TMEM132C: variants seen among roughly 807,000 people sequenced by gnomAD.
TMEM132C encodes transmembrane protein 132C.
In TMEM132C, 29 loss-of-function variants were observed where a neutral mutation model predicts 61.4. That is an observed-to-expected ratio of 0.47 (90% CI 0.35 to 0.64). TMEM132C has a LOEUF of 0.64. Ranked by LOEUF, TMEM132C falls within the 30% of genes least tolerant of loss-of-function variation. TMEM132C has a pLI of 0.00. For missense variants in TMEM132C, 1,408 were observed against 1,476.9 expected (o/e 0.95, Z 0.76); for synonymous variants, 656 against 633.1 (o/e 1.04, Z -0.54).
intron 2 of TMEM132C, among the ~76,000 whole-genome samples, chr12:128,507,531 G>T (rs544098762): frequency 6.6e-6 from 1 of 151,692 alleles, no homozygotes; most frequent in East Asian, 1.9e-4. Flanking sequence ...TTGCCTTGTA[G>T]GAAAAGCTCC....
intron 4 of TMEM132C, among the ~76,000 whole-genome samples, chr12:128,631,951 G>A (rs879305540): frequency 6.6e-6 from 1 of 152,140 alleles, no homozygotes; most frequent in African/African-American, 2.4e-5. Flanking sequence ...CCTGCCTCCC[G>A]CATAACCTCA....
chr12:128,690,083 G>C (rs1954708002), intron 5 of TMEM132C, among the ~76,000 whole-genome samples: 1 of 152,172 alleles, frequency 6.6e-6, no homozygotes, highest in Non-Finnish European at 1.5e-5. Flanking sequence ...AACGGAATAT[G>C]GCAACTGACC....
chr12:128,440,238 G>C (rs1000442912), intron 2 of TMEM132C, among the ~76,000 whole-genome samples: 2 of 152,148 alleles, frequency 1.3e-5, no homozygotes, highest in African/African-American at 2.4e-5. Context: ...TCTAGCAATT[G>C]TGTTTTATTT....
chr12:128,546,813 C>A (rs1372990274), intron 3 of TMEM132C, among the ~76,000 whole-genome samples: 2 of 152,198 alleles, frequency 1.3e-5, no homozygotes, highest in Admixed American at 1.3e-4. Context: ...CATATCAAAA[C>A]CTTCACTTAA....
intron 2 of TMEM132C, among the ~76,000 whole-genome samples, chr12:128,512,432 A>G (rs893314765): frequency 2.6e-5 from 4 of 152,102 alleles, no homozygotes; most frequent in African/African-American, 7.2e-5. Context: ...CCATATCAGT[A>G]TATCCATTCT....
intron 3 of TMEM132C, among the ~76,000 whole-genome samples, chr12:128,545,002 A>T (rs1362071170): frequency 6.6e-6 from 1 of 152,208 alleles, no homozygotes; most frequent in African/African-American, 2.4e-5. Context: ...CAGGGGGTAC[A>T]TGTGCAGGTT....
intron 1 of TMEM132C, among the ~76,000 whole-genome samples, chr12:128,353,953 G>A (rs1873418222): frequency 1.3e-5 from 2 of 152,160 alleles, no homozygotes; most frequent in Admixed American, 1.3e-4. Context: ...GAGCTACCTG[G>A]AGTCAGACAT....
At chr12:128,358,227 T>G (rs551314580) in intron 1 of TMEM132C, among the ~76,000 whole-genome samples, 1 of 151,880 alleles carries the variant, frequency 6.6e-6, no homozygotes, top group East Asian at 2.0e-4. Flanking sequence ...TCAGAAGAGG[T>G]AGGTTTACAA....
At chr12:128,626,329 C>T (rs541332353) in intron 4 of TMEM132C, among the ~76,000 whole-genome samples, 2 of 151,518 alleles carry the variant, frequency 1.3e-5, no homozygotes, top group East Asian at 3.9e-4. Flanking sequence ...AGGGTTTCAC[C>T]ATGTTGACCA....
At chr12:128,595,375 G>T (rs1012077355) in intron 3 of TMEM132C, among the ~76,000 whole-genome samples, 3 of 152,216 alleles carry the variant, frequency 2.0e-5, no homozygotes, top group African/African-American at 7.2e-5. Flanking sequence ...GCTTCCCAAA[G>T]TGTTGGTGCC....
intron 4 of TMEM132C, among the ~76,000 whole-genome samples, chr12:128,626,939 A>G (rs1249235804): frequency 1.3e-5 from 2 of 152,106 alleles, no homozygotes; most frequent in African/African-American, 4.8e-5. Flanking sequence ...CTGCCACCCC[A>G]GCCTGCCGAG....
At chr12:128,592,154 G>C (rs1377621489) in intron 3 of TMEM132C, among the ~76,000 whole-genome samples, 1 of 151,964 alleles carries the variant, frequency 6.6e-6, no homozygotes, top group African/African-American at 2.4e-5. Context: ...GTAGCTAGCA[G>C]CTGCCCCTTT....
At chr12:128,398,457 A>T (rs1271180900) in intron 1 of TMEM132C, among the ~76,000 whole-genome samples, 1 of 152,250 alleles carries the variant, frequency 6.6e-6, no homozygotes, top group African/African-American at 2.4e-5. Context: ...TAAGGTTTTC[A>T]TCCTCATGTG....
At chr12:128,301,609 A>T (rs924972873) in intron 1 of TMEM132C, among the ~76,000 whole-genome samples, 7 of 152,264 alleles carry the variant, frequency 4.6e-5, no homozygotes, top group South Asian at 4.1e-4. Flanking sequence ...ATGGGATGGT[A>T]GTATTTATAA....
chr12:128,581,426 T>C (rs73426444), intron 3 of TMEM132C, among the ~76,000 whole-genome samples: 202 of 152,318 alleles, frequency 1.3e-3, no homozygotes, highest in African/African-American at 4.6e-3. Flanking sequence ...AAACACCCTT[T>C]ATTGCATCTG....
At chr12:128,341,086 A>G (rs1167893166) in intron 1 of TMEM132C, among the ~76,000 whole-genome samples, 1 of 151,886 alleles carries the variant, frequency 6.6e-6, no homozygotes, top group African/African-American at 2.4e-5. Context: ...GATTACAGGT[A>G]CCCACTACCA....
Position 128,415,372 on chromosome 12 carries a change from C to CG in TMEM132C, c.731dup (p.Asp245Ter). 1.3e-6 allele frequency: 2 copies of CG among 1,556,010 alleles called. No individual in the cohort carries two copies. The highest frequency in any genetic ancestry group is 1.7e-6 in the Non-Finnish European group (2 of 1,148,778). The stretch of plus-strand genomic sequence containing the variant: ...CAGGAAACGAGCGAGGGGACTGTGC[C>CG]GGGGGTGACTTCAGGAAGGGCAACG... On this transcript the variant is annotated frameshift_variant, in exon 2 of 9. Coordinates refer to ENST00000435159, the MANE Select transcript of TMEM132C (RefSeq NM_001136103.3). LOFTEE classifies it high-confidence loss of function. The surrounding 1 kb of genome is among the most constrained non-coding windows in gnomAD (Gnocchi z 5.8).
chr12:128,397,312 C>T (rs925944083), intron 1 of TMEM132C, among the ~76,000 whole-genome samples: 5 of 152,188 alleles, frequency 3.3e-5, no homozygotes, highest in Admixed American at 6.5e-5. Context: ...GTTAGGGCTT[C>T]GCCGTGTGTC....
chr12:128,504,474 A>G (rs1478272491), intron 2 of TMEM132C, among the ~76,000 whole-genome samples: 1 of 152,170 alleles, frequency 6.6e-6, no homozygotes, highest in East Asian at 1.9e-4. Context: ...CTGCCATAAG[A>G]TGATACCATA....
Sources: allele counts gnomAD v4.1 joint callset (sites outside exome capture counted in the v4.1 genomes callset), GRCh38; gene constraint gnomAD v4.1.1; non-coding constraint Gnocchi (gnomAD v3.1); transcripts MANE v1.5; gene names NCBI Gene and HGNC (gene_info 2026-07-23, HGNC 2026-07-21).